The following GPC5 variants were observed in gnomAD, a reference collection of about 807,000 sequenced individuals.
GPC5 encodes the protein glypican-5.
In GPC5, 47 loss-of-function variants were observed where a neutral mutation model predicts 53.9. That is an observed-to-expected ratio of 0.87 (90% CI 0.69 to 1.11). The LOEUF is 1.11. Among genes scored for constraint, GPC5 ranks in the 50% most tolerant of loss-of-function variants. GPC5 has a pLI of 0.00. For missense variants in GPC5, 748 were observed against 713.1 expected (o/e 1.05, Z -0.56); for synonymous variants, 286 against 263.3 (o/e 1.09, Z -0.84).
At chr13:92,016,021 T>G (rs778922359) in intron 6 of GPC5, among the ~76,000 whole-genome samples, 6 of 152,216 alleles carry the variant, frequency 3.9e-5, no homozygotes, top group Non-Finnish European at 8.8e-5. Context: ...GCACAATCAC[T>G]TCTGAAGTTT....
intron 7 of GPC5, among the ~76,000 whole-genome samples, chr13:92,424,945 ATGT>A (rs1359287336): frequency 3.9e-5 from 6 of 152,208 alleles, no homozygotes; most frequent in African/African-American, 1.4e-4. Context: ...GGGCAAGTAG[ATGT>A]TGAGTATTTC....
intron 7 of GPC5, among the ~76,000 whole-genome samples, chr13:92,726,487 A>C (rs1888652552): frequency 6.6e-6 from 1 of 151,480 alleles, no homozygotes; most frequent in Non-Finnish European, 1.5e-5. Context: ...TGAAATCCTG[A>C]GTTAAGTGAT....
intron 7 of GPC5, among the ~76,000 whole-genome samples, chr13:92,854,218 TA>T (rs984625759): frequency 6.8e-6 from 1 of 147,960 alleles, no homozygotes; most frequent in African/African-American, 2.5e-5. Flanking sequence ...ATATATTATA[TA>T]TATGTTATTC....
In GPC5 at chr13:92,300,649, G is replaced by A. The variant is rs180878882; in HGVS notation, c.1561+155660G>A. ...TGCTGGACTAATTTAAAGGCTTTCT[G>A]TCTCACATCTTTTAAGACAGTGTAA... On this transcript the variant is annotated intron_variant, in intron 7 of 7. Coordinates refer to ENST00000377067, the MANE Select transcript of GPC5 (RefSeq NM_004466.6). Among the ~76,000 whole-genome samples the A allele has an allele frequency of 1.1e-4, 17 of 152,302 alleles. No individual in the cohort carries two copies. In the East Asian group the frequency reaches 3.1e-3, roughly 28 times the overall value.
intron 7 of GPC5, among the ~76,000 whole-genome samples, chr13:92,733,625 T>C (rs544584666): frequency 6.6e-6 from 1 of 151,908 alleles, no homozygotes; most frequent in African/African-American, 2.4e-5. Flanking sequence ...TTTAGAATTT[T>C]AAATGTAAGG....
chr13:92,525,408 T>C lies in GPC5; in HGVS notation c.1562-340874T>C, dbSNP rs190863857. ...TAATATAATGAAGCAACTGGGAGAA[T>C]CAAAATGAATCAGAAGTAGATAGAT... is the stretch of plus-strand genomic sequence containing the variant. On this transcript the variant is annotated intron_variant, in intron 7 of 7. Transcript: ENST00000377067. 1.2e-4 allele frequency among the ~76,000 whole-genome samples: 18 copies of C among 147,810 alleles called. 1 individual carries two copies. In the South Asian group the frequency reaches 3.7e-3, roughly 30 times the overall value.
chr13:91,864,389 G>C (rs1166374917), intron 5 of GPC5, among the ~76,000 whole-genome samples: 1 of 152,066 alleles, frequency 6.6e-6, no homozygotes, highest in Non-Finnish European at 1.5e-5. Flanking sequence ...TTGTTTTACT[G>C]TCTTTGCTTT....
At chr13:92,009,953 G>A (rs756556005) in intron 6 of GPC5, among the ~76,000 whole-genome samples, 4 of 152,136 alleles carry the variant, frequency 2.6e-5, no homozygotes, top group Non-Finnish European at 5.9e-5. Context: ...TACTCATCTT[G>A]AGAAGTGGAA....
intron 7 of GPC5, among the ~76,000 whole-genome samples, chr13:92,439,290 T>A (rs1343329850): frequency 3.3e-5 from 5 of 152,110 alleles, no homozygotes; most frequent in Non-Finnish European, 7.4e-5. Flanking sequence ...TAGTCAACAT[T>A]TTCAAATGCT....
At chr13:92,411,774 T>C (rs532582161) in intron 7 of GPC5, among the ~76,000 whole-genome samples, 27 of 152,236 alleles carry the variant, frequency 1.8e-4, no homozygotes, top group Non-Finnish European at 3.2e-4. Context: ...TAATGATGTA[T>C]ATAAATCCAT....
At chr13:92,840,092 T>TATATATATATAC (rs1197618733) in intron 7 of GPC5, among the ~76,000 whole-genome samples, 79 of 55,914 alleles carry the variant, frequency 1.4e-3, no homozygotes, top group African/African-American at 5.0e-3. Context: ...TATATATATA[T>TATATATATATAC]ATATATATAT....
chr13:91,759,331 T>G (rs1413158273), intron 5 of GPC5, among the ~76,000 whole-genome samples: 7 of 152,088 alleles, frequency 4.6e-5, no homozygotes, highest in African/African-American at 1.7e-4. Context: ...TCAGGGTAAA[T>G]GAGGTACCCA....
chr13:92,404,731 G>A (rs12873506), intron 7 of GPC5, among the ~76,000 whole-genome samples: 1 of 149,778 alleles, frequency 6.7e-6, no homozygotes, highest in Non-Finnish European at 1.5e-5. Flanking sequence ...ATTGAAGCCA[G>A]TCTTTGACAG....
chr13:91,917,910 C>A (rs1261635854), intron 6 of GPC5, among the ~76,000 whole-genome samples: 1 of 152,210 alleles, frequency 6.6e-6, no homozygotes, highest in East Asian at 1.9e-4. Context: ...ACCTCTGTTT[C>A]CCAGTTCCAA....
intron 7 of GPC5, among the ~76,000 whole-genome samples, chr13:92,495,137 A>G (rs1388848848): frequency 2.0e-5 from 3 of 152,226 alleles, no homozygotes; most frequent in Non-Finnish European, 4.4e-5. Context: ...ACTTCCTCTC[A>G]GCACGCTGAA....
At chr13:91,494,635 A>T (rs576846319) in intron 2 of GPC5, among the ~76,000 whole-genome samples, 3 of 152,134 alleles carry the variant, frequency 2.0e-5, no homozygotes, top group Non-Finnish European at 4.4e-5. Flanking sequence ...AGTGATCTCC[A>T]CATCGTTAAA....
chr13:91,702,301 T>A (rs2036009828), intron 3 of GPC5, among the ~76,000 whole-genome samples: 1 of 152,120 alleles, frequency 6.6e-6, no homozygotes, highest in Non-Finnish European at 1.5e-5. Context: ...CTTGAAGGAA[T>A]CTCATTTGTC....
At chr13:92,219,295 C>T (rs2042432428) in intron 7 of GPC5, among the ~76,000 whole-genome samples, 1 of 152,040 alleles carries the variant, frequency 6.6e-6, no homozygotes, top group Admixed American at 6.6e-5. Context: ...CCTTAAAATA[C>T]CATTATATCT....
At chr13:91,584,610 C>G (rs1210131262) in intron 2 of GPC5, among the ~76,000 whole-genome samples, 1 of 151,192 alleles carries the variant, frequency 6.6e-6, no homozygotes, top group African/African-American at 2.4e-5. Flanking sequence ...CAGAGTTTTG[C>G]TCTTGTTGCC....
Sources: gnomAD v4.1 joint callset for allele counts (sites outside exome capture counted in the v4.1 genomes callset) on GRCh38, gnomAD v4.1.1 for gene constraint, MANE v1.5 for transcripts, NCBI Gene and HGNC (gene_info 2026-07-23, HGNC 2026-07-21) for gene names.